Variants in ATP2B4 observed in about 807,000 individuals in gnomAD.
The protein encoded by ATP2B4 is ATPase plasma membrane Ca2+ transporting 4, also known as plasma membrane calcium-transporting ATPase 4.
ATP2B4 carries 39 observed loss-of-function variants against 110.3 expected under a neutral mutation model. That is an observed-to-expected ratio of 0.35 (90% confidence interval 0.27 to 0.46). The LOEUF is 0.46. ATP2B4 is among the 20% of genes least tolerant of loss of function. The pLI, the probability that ATP2B4 is intolerant of heterozygous loss-of-function variation, is 1.00. For synonymous variants in ATP2B4, 538 were observed against 571.7 expected (o/e 0.94, Z 0.84); for missense variants, 1,135 against 1,530.9 (o/e 0.74, Z 4.32).
chr1:203,743,571 A>T lies in ATP2B4; in HGVS notation c.*3717A>T, dbSNP rs1667034730. 6.6e-6 allele frequency: 1 copy of T among 152,614 alleles called. No homozygotes were observed. The highest frequency in any genetic ancestry group is 2.4e-5 in the African/African-American group (1 of 41,436). The allele number at this position is 152,614 out of a possible 1,614,324, so 9.5% of individuals were successfully genotyped here. ...TTTTCTCCCCATATGTATATATGCCATATGTGAATATGCCATATATATGTG... is the reference window on the plus strand; with the variant it reads ...TTTTCTCCCCATATGTATATATGCCTTATGTGAATATGCCATATATATGTG... On this transcript the variant is annotated 3_prime_UTR_variant, in exon 21 of 21. Transcript: ENST00000357681.
At chr1:203,732,448 T>A (rs1010055621) in intron 20 of ATP2B4, among the ~76,000 whole-genome samples, 4 of 152,158 alleles carry the variant, frequency 2.6e-5, no homozygotes, top group African/African-American at 4.8e-5. Context: ...TCAGGGAGCC[T>A]ACCTACTTCA....
rs1005725066 is a variant in ATP2B4 at position 203,699,635 on chromosome 1, G to C, written c.567G>C (p.Lys189Asn). 9.3e-6 allele frequency: 15 copies of C among 1,614,080 alleles called. No individual in the cohort carries two copies. Among genetic ancestry groups the C allele is most frequent in the Non-Finnish European group, 1.1e-5 (13 of 1,180,044 alleles). Reference protein sequence around the residue: ...GLQCRIEQEQKFSIIRNGQLI... With the variant: ...GLQCRIEQEQNFSIIRNGQLI... ...AGTGCCGCATTGAACAGGAGCAAAA[G>C]TTCTCCATCATCCGAAACGGTCAAC... Residue 189 changes from lysine (K) to asparagine (N), a missense_variant, in exon 4 of 21, where the codon AAG becomes AAC. By Grantham distance (94) the Lys-to-Asn change is moderately conservative. This residue lies in a region of ATP2B4 where 101 missense variants were observed against 182.6 expected (regional missense o/e 0.55). Coordinates refer to ENST00000357681, the MANE Select transcript of ATP2B4 (RefSeq NM_001684.5).
At chr1:203,699,355 A>G (rs1473827230) in intron 3 of ATP2B4, 105 bp from the exon 4 acceptor site, 2 of 1,470,014 alleles carry the variant, frequency 1.4e-6, no homozygotes, top group African/African-American at 2.8e-5. Flanking sequence ...GCTATTATTC[A>G]CTTTTCCTGA....
intron 20 of ATP2B4, among the ~76,000 whole-genome samples, chr1:203,731,030 A>T (rs1401078074): frequency 6.6e-6 from 1 of 152,204 alleles, no homozygotes; most frequent in Non-Finnish European, 1.5e-5. Context: ...GGGAGGTGTT[A>T]GAAAACTTAG....
intron 1 of ATP2B4, among the ~76,000 whole-genome samples, chr1:203,671,707 AC>A (rs1249161555): frequency 6.6e-6 from 1 of 151,896 alleles, no homozygotes; most frequent in Non-Finnish European, 1.5e-5. Flanking sequence ...TTGCATGCTG[AC>A]TCTGTGATGC....
intron 1 of ATP2B4, among the ~76,000 whole-genome samples, chr1:203,664,917 C>G (rs1013150963): frequency 3.3e-5 from 5 of 152,030 alleles, no homozygotes; most frequent in Non-Finnish European, 5.9e-5. Context: ...CTGCAAGCTC[C>G]GCCTCCCGGG....
chr1:203,706,866 TG>T (rs3835515), intron 8 of ATP2B4, 142 bp from the exon 9 acceptor site: 5 of 670,752 alleles, frequency 7.5e-6, no homozygotes, highest in African/African-American at 1.8e-5. Flanking sequence ...CAACAGAGAA[TG>T]GGGGGGATTT....
chr1:203,715,480 G>A lies in ATP2B4; in HGVS notation c.2406+1203G>A, dbSNP rs1381276652. ...AGGCAGGAGAATCACTTGAACCTGG[G>A]AGGCAGAGGTTACGATGAGCCGAGT... On this transcript the variant is annotated intron_variant, in intron 15 of 20. Transcript: ENST00000357681. 3.5e-5 allele frequency among the ~76,000 whole-genome samples: 5 copies of A among 142,252 alleles called. 2 individuals carry two copies. The highest frequency in any genetic ancestry group is 1.3e-4 in the African/African-American group (5 of 38,842). 93.3% of individuals were successfully genotyped at this position (142,252 alleles called of 152,430 possible).
intron 5 of ATP2B4, 135 bp from the exon 6 acceptor site, chr1:203,700,663 T>C: frequency 7.8e-7 from 1 of 1,279,610 alleles, no homozygotes; most frequent in Non-Finnish European, 1.1e-6. Context: ...CTCTTGACCT[T>C]TTCCTACTGT....
chr1:203,647,021 T>G (rs529378123), intron 1 of ATP2B4, among the ~76,000 whole-genome samples: 2 of 152,098 alleles, frequency 1.3e-5, no homozygotes, highest in East Asian at 3.9e-4. Flanking sequence ...TACCCAATAC[T>G]AGATCATGAG....
At chr1:203,739,169 A>G (rs1666943614) in intron 20 of ATP2B4, among the ~76,000 whole-genome samples, 1 of 152,184 alleles carries the variant, frequency 6.6e-6, no homozygotes, top group African/African-American at 2.4e-5. Flanking sequence ...AAGTTTGGCT[A>G]TGAATTTGCA....
chr1:203,737,900 G>A (rs910337669), intron 20 of ATP2B4, among the ~76,000 whole-genome samples: 13 of 152,110 alleles, frequency 8.5e-5, no homozygotes, highest in African/African-American at 2.2e-4. Flanking sequence ...CAGAGAAAAC[G>A]GACCAACAGT....
intron 1 of ATP2B4, among the ~76,000 whole-genome samples, chr1:203,637,316 A>T (rs1663476374): frequency 6.6e-6 from 1 of 151,894 alleles, no homozygotes; most frequent in South Asian, 2.1e-4. Context: ...CTGTAGTCCC[A>T]GCTACTGGGG....
intron 2 of ATP2B4, among the ~76,000 whole-genome samples, chr1:203,684,492 A>G (rs1326016154): frequency 1.3e-5 from 2 of 151,132 alleles, no homozygotes; most frequent in Non-Finnish European, 2.9e-5. Flanking sequence ...GGCAGTTGGG[A>G]CTACAGGTGT....
chr1:203,705,923 C>T (rs917288148), intron 8 of ATP2B4, among the ~76,000 whole-genome samples: 2 of 152,148 alleles, frequency 1.3e-5, no homozygotes, highest in Non-Finnish European at 2.9e-5. Flanking sequence ...AAGCAAAGAA[C>T]GGAAGAATTT....
rs1287279920 is a variant in ATP2B4, at chr1:203,715,517, C to CA, written c.2406+1241dup. 6.3e-5 allele frequency among the ~76,000 whole-genome samples: 9 copies of CA among 143,022 alleles called. 1 individual carries two copies. The highest frequency in any genetic ancestry group is 2.3e-4 in the African/African-American group (9 of 39,080). The allele number at this position is 143,022 out of a possible 152,430, so 93.8% of individuals were successfully genotyped here. On this transcript the variant is annotated intron_variant, in intron 15 of 20. Transcript: ENST00000357681. ...ACGATGAGCCGAGTTAGCACCACTGCACCCCAGCCTGGGTGACAGAGCAAG... is the reference window on the plus strand; with the variant it reads ...ACGATGAGCCGAGTTAGCACCACTGCAACCCCAGCCTGGGTGACAGAGCAAG...
At chr1:203,716,388 AG>A in intron 15 of ATP2B4, among the ~76,000 whole-genome samples, 1 of 145,564 alleles carries the variant, frequency 6.9e-6, no homozygotes, top group African/African-American at 2.5e-5. Flanking sequence ...TTAGTACCCA[AG>A]GTTTTTCTTG....
chr1:203,721,996 A>G (rs185967305), intron 17 of ATP2B4, among the ~76,000 whole-genome samples: 1 of 152,010 alleles, frequency 6.6e-6, no homozygotes, highest in African/African-American at 2.4e-5. Flanking sequence ...AATTAACCTC[A>G]GGTCCCATAA....
At chr1:203,647,580 C>A (rs1232903113) in intron 1 of ATP2B4, among the ~76,000 whole-genome samples, 1 of 151,996 alleles carries the variant, frequency 6.6e-6, no homozygotes, top group Non-Finnish European at 1.5e-5. Flanking sequence ...GCACCATAGT[C>A]AGACCCCATC....
Sources: allele counts gnomAD v4.1 joint callset (sites outside exome capture counted in the v4.1 genomes callset), GRCh38; gene constraint gnomAD v4.1.1; regional missense constraint gnomAD v4.1.1; transcripts MANE v1.5; gene names NCBI Gene and HGNC (gene_info 2026-07-23, HGNC 2026-07-21).